Variants in ELMO1 observed in about 807,000 individuals in gnomAD.
The protein encoded by ELMO1 is engulfment and cell motility 1, also known as engulfment and cell motility protein 1.
ELMO1 carries 26 observed loss-of-function variants against 98.9 expected under a neutral mutation model. The observed-to-expected ratio is 0.26, with a 90% CI of 0.19 to 0.36. The LOEUF is 0.36. ELMO1 is among the 10% of genes least tolerant of loss of function. The pLI is 1.00. For synonymous variants in ELMO1, 346 were observed against 346.0 expected (o/e 1.00, Z 0.00); for missense variants, 627 against 935.2 (o/e 0.67, Z 4.30).
At chr7:37,338,253 T>A (rs1267576847) in intron 2 of ELMO1, among the ~76,000 whole-genome samples, 2 of 152,178 alleles carry the variant, frequency 1.3e-5, no homozygotes, top group Non-Finnish European at 2.9e-5. Flanking sequence ...AACTGAGCCT[T>A]TCACAGAAAG....
chr7:36,942,735 C>T (rs1227005015), intron 16 of ELMO1, among the ~76,000 whole-genome samples: 1 of 152,210 alleles, frequency 6.6e-6, no homozygotes, highest in Admixed American at 6.5e-5. Flanking sequence ...AGATCATACA[C>T]AGCTTTGCAT....
In ELMO1 at chr7:36,975,845, GAA is replaced by G. The variant is rs200193324; in HGVS notation, c.1437+37452_1437+37453del. ...CTGGGCAACAGAGTGACACTTGCCT[GAA>G]AAAAAAAAAAAAAAAAGATAAAATT... On this transcript the variant is annotated intron_variant, in intron 16 of 21. Coordinates refer to ENST00000310758, the MANE Select transcript of ELMO1 (RefSeq NM_014800.11). Among the ~76,000 whole-genome samples the G allele has an allele frequency of 9.3e-3, 968 of 103,750 alleles. 16 individuals are homozygous for G. The highest frequency in any genetic ancestry group is 0.031 in the African/African-American group (883 of 28,832). The allele number at this position is 103,750 out of a possible 152,430, so 68.1% of individuals were successfully genotyped here.
intron 15 of ELMO1, among the ~76,000 whole-genome samples, chr7:37,060,770 C>A (rs947520543): frequency 3.3e-5 from 5 of 152,026 alleles, no homozygotes; most frequent in Non-Finnish European, 7.4e-5. Context: ...TTCAAAATTT[C>A]ATTTATACTA....
chr7:36,857,676 A>T (rs1802313668), intron 21 of ELMO1, among the ~76,000 whole-genome samples: 1 of 152,232 alleles, frequency 6.6e-6, no homozygotes, highest in Non-Finnish European at 1.5e-5. Flanking sequence ...ATCAGTATCA[A>T]TTCATTAGTT....
chr7:36,858,526 C>G (rs1024414118), intron 21 of ELMO1, among the ~76,000 whole-genome samples: 11 of 152,180 alleles, frequency 7.2e-5, no homozygotes, highest in South Asian at 2.1e-4. Context: ...TCCCTGGATC[C>G]TGTGAATATG....
chr7:36,894,360 C>A (rs1805805287), intron 17 of ELMO1, among the ~76,000 whole-genome samples: 1 of 152,184 alleles, frequency 6.6e-6, no homozygotes, highest in Admixed American at 6.5e-5. Context: ...CGATGCCAAC[C>A]AGTGCCAACA....
At chr7:36,988,830 C>A (rs1791680541) in intron 16 of ELMO1, among the ~76,000 whole-genome samples, 1 of 152,154 alleles carries the variant, frequency 6.6e-6, no homozygotes, top group African/African-American at 2.4e-5. Context: ...TGCTTAGAGA[C>A]CAAGTTAAGG....
intron 1 of ELMO1, among the ~76,000 whole-genome samples, chr7:37,402,350 A>G (rs569458389): frequency 6.6e-6 from 1 of 152,300 alleles, no homozygotes; most frequent in South Asian, 2.1e-4. Context: ...TAGAGTGACG[A>G]CAGAACCCAT....
chr7:37,023,677 G>A (rs1458543806), intron 15 of ELMO1, among the ~76,000 whole-genome samples: 2 of 151,880 alleles, frequency 1.3e-5, no homozygotes, highest in Admixed American at 6.6e-5. Context: ...GCACTATCTC[G>A]GCTCACTGCA....
intron 2 of ELMO1, among the ~76,000 whole-genome samples, chr7:37,324,828 T>C (rs755001763): frequency 6.6e-6 from 1 of 152,206 alleles, no homozygotes; most frequent in Non-Finnish European, 1.5e-5. Context: ...TTCTCCCACA[T>C]TGGCCTTCCA....
At position 37,046,917 on chromosome 7, in the gene ELMO1, C is replaced by G. The variant is rs75166739; in HGVS notation, c.1301-33482G>C. Reference sequence around the variant, plus strand: ...AGCTTGTGAAAGGCACTGGGAGACACTGGAACAACTCACTATGTGCTTGCT... The same window carrying G: ...AGCTTGTGAAAGGCACTGGGAGACAGTGGAACAACTCACTATGTGCTTGCT... On this transcript the variant is annotated intron_variant, in intron 15 of 21. Coordinates refer to ENST00000310758, the MANE Select transcript of ELMO1 (RefSeq NM_014800.11). 9.0e-3 allele frequency among the ~76,000 whole-genome samples: 1,372 copies of G among 152,334 alleles called. 6 individuals carry two copies. The highest frequency in any genetic ancestry group is 0.014 in the Middle Eastern group (4 of 294).
intron 13 of ELMO1, among the ~76,000 whole-genome samples, chr7:37,207,695 C>T (rs1792715717): frequency 6.6e-6 from 1 of 151,952 alleles, no homozygotes; most frequent in Non-Finnish European, 1.5e-5. Flanking sequence ...GTAATCCCAG[C>T]ACTTTGAGAG....
intron 6 of ELMO1, among the ~76,000 whole-genome samples, chr7:37,245,155 C>T (rs1794934505): frequency 6.6e-6 from 1 of 152,160 alleles, no homozygotes; most frequent in Non-Finnish European, 1.5e-5. Context: ...TCATCTCATT[C>T]TAGGCTCATT....
chr7:37,011,548 T>C (rs1347980573), intron 16 of ELMO1, among the ~76,000 whole-genome samples: 1 of 152,234 alleles, frequency 6.6e-6, no homozygotes, highest in African/African-American at 2.4e-5. Flanking sequence ...AACATTATTA[T>C]TTGCAGATAT....
intron 13 of ELMO1, among the ~76,000 whole-genome samples, chr7:37,156,903 A>G (rs571244073): frequency 1.3e-5 from 2 of 152,352 alleles, no homozygotes; most frequent in African/African-American, 4.8e-5. Flanking sequence ...ATAAACATCA[A>G]TGTGAAAATC....
chr7:37,428,067 GCA>G (rs1034417280), intron 1 of ELMO1, among the ~76,000 whole-genome samples: 2 of 149,946 alleles, frequency 1.3e-5, no homozygotes, highest in African/African-American at 5.0e-5. Context: ...GTCTGTGTGT[GCA>G]CACACACGTT....
At chr7:37,357,271 T>C (rs548107184) in intron 1 of ELMO1, among the ~76,000 whole-genome samples, 2 of 152,372 alleles carry the variant, frequency 1.3e-5, no homozygotes, top group Admixed American at 6.5e-5. Context: ...AAATGTGTTA[T>C]GCTTTTCGCT....
At chr7:36,920,754 T>G (rs892405155) in intron 16 of ELMO1, among the ~76,000 whole-genome samples, 1 of 152,154 alleles carries the variant, frequency 6.6e-6, no homozygotes, top group African/African-American at 2.4e-5. Flanking sequence ...ACTGACCACC[T>G]TGTGTCTCCT....
At chr7:37,282,881 T>A (rs1797213196) in intron 4 of ELMO1, among the ~76,000 whole-genome samples, 1 of 152,250 alleles carries the variant, frequency 6.6e-6, no homozygotes, top group South Asian at 2.1e-4. Flanking sequence ...TTTTCAGCTG[T>A]TGTCTTTTTC....
Sources: gnomAD v4.1 joint callset for allele counts (sites outside exome capture counted in the v4.1 genomes callset) on GRCh38, gnomAD v4.1.1 for gene constraint, MANE v1.5 for transcripts, NCBI Gene and HGNC (gene_info 2026-07-23, HGNC 2026-07-21) for gene names.